FHIP1A: variants seen among roughly 807,000 people sequenced by gnomAD.
FHIP1A encodes the protein FHF complex subunit HOOK interacting protein 1A.
A neutral mutation model predicts 88.6 loss-of-function variants in FHIP1A; 61 were observed. The ratio of observed to expected loss-of-function variants is 0.69; its 90% confidence interval spans 0.56 to 0.85. The LOEUF (loss-of-function observed/expected upper bound fraction) is 0.85. FHIP1A is among the 40% of genes least tolerant of loss of function. FHIP1A has a pLI of 0.00. For synonymous variants in FHIP1A, 478 were observed against 496.0 expected (o/e 0.96, Z 0.48); for missense variants, 1,154 against 1,273.5 (o/e 0.91, Z 1.43).
chr4:151,554,806 A>G (rs184130274), intron 3 of FHIP1A, among the ~76,000 whole-genome samples: 3 of 152,294 alleles, frequency 2.0e-5, no homozygotes, highest in Non-Finnish European at 2.9e-5. Context: ...GCAACCATTT[A>G]CTAAATATGT....
Position 151,545,369 on chromosome 4 carries a change from C to CTTTTTTTTTTTTTTTTTTTTTT in FHIP1A, c.-122-20764_-122-20743dup, listed in dbSNP as rs569126288. ...CAAGGCAAAATATTTCCTTATCCTT[C>CTTTTTTTTTTTTTTTTTTTTTT]TTTTTTTTTTTTTTTTTTTTTTTTT... On this transcript the variant is annotated intron_variant, in intron 3 of 13. Transcript: ENST00000435205. 2.4e-5 allele frequency among the ~76,000 whole-genome samples: 2 copies of CTTTTTTTTTTTTTTTTTTTTTT among 81,684 alleles called. 1 individual carries two copies. Among genetic ancestry groups the CTTTTTTTTTTTTTTTTTTTTTT allele is most frequent in the African/African-American group, 1.0e-4 (2 of 19,654 alleles). 53.6% of individuals were successfully genotyped at this position (81,684 alleles called of 152,430 possible).
At chr4:151,587,680 A>T (rs1440693546) in intron 6 of FHIP1A, among the ~76,000 whole-genome samples, 2 of 152,064 alleles carry the variant, frequency 1.3e-5, no homozygotes, top group Admixed American at 1.3e-4. Context: ...TAGTGATTGT[A>T]GGATGAAAGA....
intron 4 of FHIP1A, among the ~76,000 whole-genome samples, chr4:151,568,727 G>GTCAAGAGCTTAATTAAGTCAA (rs1733485071): frequency 6.6e-6 from 1 of 152,138 alleles, no homozygotes; most frequent in East Asian, 1.9e-4. Context: ...GTCAAGAGAA[G>GTCAAGAGCTTAATTAAGTCAA]GGGCTATTAT....
chr4:151,608,034 CTTCTTTTTTTTT>C (rs1414224619), intron 7 of FHIP1A, among the ~76,000 whole-genome samples: 1 of 97,044 alleles, frequency 1.0e-5, no homozygotes, highest in Non-Finnish European at 2.2e-5. Context: ...TTTCTTTCTT[CTTCTTTTTTTTT>C]TTTTTTTTTT....
rs1736993767 is a variant in FHIP1A, at chr4:151,650,554, G to C, written c.2513G>C (p.Ser838Thr). Residue 838 changes from serine to threonine, a missense_variant, in exon 11 of 14, where the codon AGT becomes ACT. Physicochemically the swap from Ser to Thr is moderately conservative, Grantham distance 58 (BLOSUM62 1). Transcript: ENST00000435205. ...FVGRDEAAFA[S>T]RHPVRTQSTP... is the part of the protein sequence containing the mutation. The stretch of plus-strand genomic sequence containing the variant: ...GGGAGAGATGAGGCTGCCTTTGCCA[G>C]TCGCCATCCCGTGAGGACTCAAAGC... 1 of 1,551,118 alleles carries C rather than the reference G, an allele frequency of 6.4e-7. No individual in the cohort carries two copies. Among genetic ancestry groups the C allele is most frequent in the Admixed American group, 2.0e-5 (1 of 50,976 alleles).
In FHIP1A at chr4:151,666,422, G is replaced by A. The variant is rs1737668440; in HGVS notation, c.*3668G>A. 6.6e-6 allele frequency among the ~76,000 whole-genome samples: 1 copy of A among 152,170 alleles called. No homozygotes were observed. The highest frequency in any genetic ancestry group is 2.4e-5 in the African/African-American group (1 of 41,444). ...TCAGGTGTTAGGTAGGACGCATTCGGTATTTTTATAGGTCATCAGGAGTAC... is the reference window on the plus strand; with the variant it reads ...TCAGGTGTTAGGTAGGACGCATTCGATATTTTTATAGGTCATCAGGAGTAC... On this transcript the variant is annotated 3_prime_UTR_variant, in exon 14 of 14. Transcript: ENST00000435205.
At chr4:151,587,808 A>G in intron 6 of FHIP1A, among the ~76,000 whole-genome samples, 1 of 152,084 alleles carries the variant, frequency 6.6e-6, no homozygotes, top group East Asian at 1.9e-4. Flanking sequence ...TTTTATTTAT[A>G]TATAAGAAAA....
At chr4:151,442,108 A>G (rs1352017098) in intron 1 of FHIP1A, among the ~76,000 whole-genome samples, 4 of 152,124 alleles carry the variant, frequency 2.6e-5, no homozygotes, top group Non-Finnish European at 5.9e-5. Context: ...AATCTTAGTA[A>G]TGTTCAACAA....
chr4:151,504,007 C>T (rs1730740108), intron 3 of FHIP1A, among the ~76,000 whole-genome samples: 1 of 152,192 alleles, frequency 6.6e-6, no homozygotes, highest in South Asian at 2.1e-4. Context: ...TGTTCTCCAA[C>T]TTGTTATATG....
chr4:151,486,688 C>T (rs1178651790), intron 3 of FHIP1A, among the ~76,000 whole-genome samples: 6 of 152,070 alleles, frequency 3.9e-5, no homozygotes, highest in South Asian at 2.1e-4. Flanking sequence ...ATTTTCTTGC[C>T]GGGCGTGGTG....
At chr4:151,579,176 A>ATATG (rs1733930061) in intron 5 of FHIP1A, among the ~76,000 whole-genome samples, 1 of 152,208 alleles carries the variant, frequency 6.6e-6, no homozygotes, top group Admixed American at 6.5e-5. Context: ...AATGGTGGGT[A>ATATG]CATGTCAATA....
chr4:151,462,588 T>C (rs530323189), intron 2 of FHIP1A, among the ~76,000 whole-genome samples: 1 of 152,314 alleles, frequency 6.6e-6, no homozygotes, highest in East Asian at 1.9e-4. Flanking sequence ...ATGATGATAT[T>C]ACAGAGGAGT....
chr4:151,535,493 A>C lies in FHIP1A; in HGVS notation c.-122-30645A>C, dbSNP rs72728162. Among the ~76,000 whole-genome samples the C allele has an allele frequency of 8.5e-3, 1,293 of 152,360 alleles. 10 individuals carry two copies. The highest frequency in any genetic ancestry group is 0.014 in the Non-Finnish European group (980 of 68,026). ...AGAAGGAACCATTATTGACATTTCC[A>C]GTTATGTCCTTCTGGAATTTACACT... On this transcript the variant is annotated intron_variant, in intron 3 of 13. Coordinates refer to ENST00000435205, the MANE Select transcript of FHIP1A (RefSeq NM_001109977.3).
At position 151,669,400 on chromosome 4, in the gene FHIP1A, C is replaced by T. The variant is rs1285984382; in HGVS notation, c.*6646C>T. ...AGTTTTGGTAAATGTCTTTTTCTGG[C>T]TGCACCCCCTTTTAAGTAAGCCTTT... is the stretch of plus-strand genomic sequence containing the variant. On this transcript the variant is annotated 3_prime_UTR_variant, in exon 14 of 14. Transcript: ENST00000435205. Among the ~76,000 whole-genome samples the T allele has an allele frequency of 2.0e-5, 3 of 152,206 alleles. No homozygotes were observed.
chr4:151,410,362 G>A (rs972048886), intron 1 of FHIP1A, among the ~76,000 whole-genome samples: 1 of 152,208 alleles, frequency 6.6e-6, no homozygotes, highest in African/African-American at 2.4e-5. Flanking sequence ...AGTAAACAAT[G>A]CCTAACAATT....
chr4:151,610,314 A>G (rs867644289), intron 7 of FHIP1A, among the ~76,000 whole-genome samples: 2 of 152,372 alleles, frequency 1.3e-5, no homozygotes, highest in Middle Eastern at 3.4e-3. Context: ...TAATAGATTT[A>G]GATGACTAAA....
intron 5 of FHIP1A, among the ~76,000 whole-genome samples, chr4:151,581,404 CTATTA>C (rs1164149530): frequency 6.6e-6 from 1 of 151,934 alleles, no homozygotes; most frequent in Non-Finnish European, 1.5e-5. Context: ...TGATGGGTTT[CTATTA>C]TGTTTTATAT....
intron 3 of FHIP1A, among the ~76,000 whole-genome samples, chr4:151,504,160 C>G (rs1335251267): frequency 2.0e-5 from 3 of 152,168 alleles, no homozygotes; most frequent in African/African-American, 7.2e-5. Flanking sequence ...ATATATATCT[C>G]CCTACATTTA....
intron 1 of FHIP1A, among the ~76,000 whole-genome samples, chr4:151,446,004 T>A (rs934099819): frequency 2.0e-5 from 3 of 151,830 alleles, no homozygotes; most frequent in African/African-American, 7.3e-5. Flanking sequence ...CAAGAGTTTC[T>A]CTAGGATATA....
Sources: allele counts gnomAD v4.1 joint callset (sites outside exome capture counted in the v4.1 genomes callset), GRCh38; gene constraint gnomAD v4.1.1; transcripts MANE v1.5; gene names NCBI Gene and HGNC (gene_info 2026-07-23, HGNC 2026-07-21).